CACNA1E: variants seen among roughly 807,000 people sequenced by gnomAD.
The protein encoded by CACNA1E is voltage-dependent R-type calcium channel subunit alpha-1E.
In CACNA1E, 40 loss-of-function variants were observed where a neutral mutation model predicts 259.2. That is an observed-to-expected ratio of 0.15 (90% CI 0.12 to 0.20). The LOEUF (loss-of-function observed/expected upper bound fraction) is 0.20. Ranked by LOEUF, CACNA1E falls within the 10% of genes least tolerant of loss-of-function variation. CACNA1E has a pLI of 1.00. For missense variants in CACNA1E, 1,874 were observed against 3,040.1 expected (o/e 0.62, Z 9.02); for synonymous variants, 1,104 against 1,138.5 (o/e 0.97, Z 0.61).
intron 1 of CACNA1E, among the ~76,000 whole-genome samples, chr1:181,321,181 C>T (rs2804712): frequency 0.043 from 6,554 of 152,174 alleles, 289 homozygotes; most frequent in African/African-American, 0.12. Flanking sequence ...GGGATCAGCC[C>T]CCATGACCCA....
At chr1:181,569,347 G>C (rs1572238133) in intron 3 of CACNA1E, among the ~76,000 whole-genome samples, 1 of 152,290 alleles carries the variant, frequency 6.6e-6, no homozygotes, top group East Asian at 1.9e-4. Context: ...GGGAGGAAGA[G>C]GCAGCTTGCA....
At chr1:181,502,114 G>C (rs1341172734) in intron 1 of CACNA1E, among the ~76,000 whole-genome samples, 2 of 151,980 alleles carry the variant, frequency 1.3e-5, no homozygotes, top group African/African-American at 2.4e-5. Context: ...GGGTATGCAG[G>C]GTGGACTTCC....
Position 181,762,583 on chromosome 1 carries a change from C to A in CACNA1E, c.4615C>A (p.Arg1539=). 1 of 1,603,588 alleles carries A rather than the reference C, an allele frequency of 6.2e-7. No homozygotes were observed. The highest frequency in any genetic ancestry group is 8.5e-7 in the Non-Finnish European group (1 of 1,171,798). ...TGAATTCATTTGGCAGAACTATTTC[C>A]GAGACACCTGGAATATCTTTGACTT... The part of the protein sequence containing the change: ...VIAFGFLNYF[R]DTWNIFDFIT... Residue 1539 remains arginine, a synonymous_variant, in exon 33 of 48, where the codon CGA becomes AGA. Transcript: ENST00000367573.
At chr1:181,786,912 A>G (rs938673212) in intron 43 of CACNA1E, among the ~76,000 whole-genome samples, 6 of 152,216 alleles carry the variant, frequency 3.9e-5, no homozygotes, top group Non-Finnish European at 7.3e-5. Context: ...TCAAAGTCCA[A>G]CATCTTTGGA....
chr1:181,675,173 C>T (rs977132265), intron 7 of CACNA1E, among the ~76,000 whole-genome samples: 2 of 152,132 alleles, frequency 1.3e-5, no homozygotes, highest in Admixed American at 6.5e-5. Context: ...ACAAATAAGA[C>T]ACAGCATGTT....
intron 7 of CACNA1E, among the ~76,000 whole-genome samples, chr1:181,677,374 A>G (rs929828735): frequency 6.6e-6 from 1 of 152,220 alleles, no homozygotes; most frequent in Non-Finnish European, 1.5e-5. Flanking sequence ...GCTATACATG[A>G]TTAGAAAGTC....
chr1:181,474,573 C>T (rs34170812), intron 2 of CACNA1E, among the ~76,000 whole-genome samples: 1 of 151,872 alleles, frequency 6.6e-6, no homozygotes, highest in African/African-American at 2.4e-5. Flanking sequence ...TCTTTGCAAA[C>T]GTGTGTGTCA....
At chr1:181,366,674 A>G (rs1654290444) in intron 1 of CACNA1E, among the ~76,000 whole-genome samples, 1 of 152,162 alleles carries the variant, frequency 6.6e-6, no homozygotes. Flanking sequence ...GTGAGCCCTG[A>G]TCCTGCTACC....
At chr1:181,674,166 T>G (rs1295007872) in intron 7 of CACNA1E, among the ~76,000 whole-genome samples, 1 of 145,582 alleles carries the variant, frequency 6.9e-6, no homozygotes, top group East Asian at 2.0e-4. Context: ...GATCACGAGG[T>G]CAGGAGATCG....
rs1653281093 is a variant in CACNA1E, at chr1:181,710,853, G to C, written c.1056-101G>C. The stretch of plus-strand genomic sequence containing the variant: ...GGGGAAAGGGTACATGGGCTTAATA[G>C]AGGTACTTGCTCAGATGCTCTCTCT... On this transcript the variant is annotated intron_variant, in intron 7 of 47. Coordinates refer to ENST00000367573, the MANE Select transcript of CACNA1E (RefSeq NM_001205293.3). 3 of 819,340 alleles carry C rather than the reference G, an allele frequency of 3.7e-6. No individual in the cohort carries two copies. In the Admixed American group the frequency reaches 5.6e-5, roughly 15 times the overall value. 50.8% of individuals were successfully genotyped at this position (819,340 alleles called of 1,614,324 possible).
intron 7 of CACNA1E, among the ~76,000 whole-genome samples, chr1:181,653,257 C>T (rs1457572128): frequency 1.3e-5 from 2 of 152,088 alleles, no homozygotes; most frequent in Non-Finnish European, 2.9e-5. Context: ...TGAATTGTAG[C>T]TCCCACAATT....
At chr1:181,756,889 A>G (rs887987484) in intron 29 of CACNA1E, 36 bp from the exon 30 acceptor site, 14 of 1,377,470 alleles carry the variant, frequency 1.0e-5, no homozygotes, top group African/African-American at 1.4e-5. Flanking sequence ...CAAGACTGTC[A>G]TCCACCATCT....
chr1:181,577,973 T>C, intron 4 of CACNA1E, 104 bp downstream of exon 4: 7 of 679,068 alleles, frequency 1.0e-5, no homozygotes, highest in African/African-American at 1.8e-5. Context: ...ATATTCCTCC[T>C]GGGAGGAAGC....
chr1:181,356,413 C>G (rs1055676532), intron 1 of CACNA1E, among the ~76,000 whole-genome samples: 2 of 152,204 alleles, frequency 1.3e-5, no homozygotes, highest in South Asian at 4.1e-4. Context: ...CAACTGTTTG[C>G]TCTGCATCTA....
At chr1:181,623,681 A>C (rs1655931031) in intron 6 of CACNA1E, among the ~76,000 whole-genome samples, 1 of 152,276 alleles carries the variant, frequency 6.6e-6, no homozygotes, top group Non-Finnish European at 1.5e-5. Flanking sequence ...TTATGTTTAC[A>C]CTATATTGTA....
chr1:181,343,810 T>TC (rs1652369272), intron 1 of CACNA1E, among the ~76,000 whole-genome samples: 2 of 152,078 alleles, frequency 1.3e-5, no homozygotes, highest in South Asian at 2.1e-4. Context: ...ATGCCCTGTC[T>TC]CCTCTCAGAA....
chr1:181,744,482 C>G (rs1656872829), intron 25 of CACNA1E, among the ~76,000 whole-genome samples: 2 of 152,138 alleles, frequency 1.3e-5, no homozygotes, highest in African/African-American at 4.8e-5. Flanking sequence ...AGAATGTGCA[C>G]ATGTAAGAAA....
At chr1:181,528,052 C>T (rs1667491689) in intron 3 of CACNA1E, among the ~76,000 whole-genome samples, 1 of 151,700 alleles carries the variant, frequency 6.6e-6, no homozygotes, top group South Asian at 2.1e-4. Context: ...TACTCCCCAT[C>T]TTTCCACTTC....
At chr1:181,710,892 C>A in intron 7 of CACNA1E, 62 bp from the exon 8 acceptor site, 1 of 1,160,178 alleles carries the variant, frequency 8.6e-7, no homozygotes, top group Non-Finnish European at 1.3e-6. Flanking sequence ...TTGCTTGATT[C>A]ACTCTTTCCC....
Sources: gnomAD v4.1 joint callset for allele counts (sites outside exome capture counted in the v4.1 genomes callset) on GRCh38, gnomAD v4.1.1 for gene constraint, MANE v1.5 for transcripts, NCBI Gene and HGNC (gene_info 2026-07-23, HGNC 2026-07-21) for gene names.